The following RALGAPA1 variants were observed in gnomAD, a reference collection of about 807,000 sequenced individuals.
RALGAPA1 encodes the protein ral GTPase-activating protein subunit alpha-1.
In RALGAPA1, 52 loss-of-function variants were observed where a neutral mutation model predicts 269.6. That is an observed-to-expected ratio of 0.19 (90% CI 0.15 to 0.24). RALGAPA1 has a LOEUF of 0.24. Ranked by LOEUF, RALGAPA1 falls within the 10% of genes least tolerant of loss-of-function variation. RALGAPA1 has a pLI of 1.00. For missense variants in RALGAPA1, 1,917 were observed against 3,013.9 expected, an observed-to-expected ratio of 0.64 and a Z score of 8.52; for synonymous variants, 817 against 1,008.3, an observed-to-expected ratio of 0.81 and a Z score of 3.60.
At chr14:35,632,175 C>G (rs1279754089) in intron 33 of RALGAPA1, among the ~76,000 whole-genome samples, 1 of 152,104 alleles carries the variant, frequency 6.6e-6, no homozygotes, top group East Asian at 1.9e-4. Context: ...TTTATTTATA[C>G]TTATTTTTGA....
intron 31 of RALGAPA1, among the ~76,000 whole-genome samples, chr14:35,643,311 C>G (rs1020786848): frequency 4.6e-5 from 7 of 151,900 alleles, no homozygotes; most frequent in African/African-American, 1.7e-4. Context: ...TGCACATGTA[C>G]CCTAGAACTT....
chr14:35,709,819 C>T (rs1231704437), intron 16 of RALGAPA1, among the ~76,000 whole-genome samples: 5 of 152,126 alleles, frequency 3.3e-5, no homozygotes, highest in Non-Finnish European at 4.4e-5. Context: ...AGAAGTGTGT[C>T]GTTTAATCTC....
chr14:35,755,410 T>C (rs2073082489), intron 7 of RALGAPA1, among the ~76,000 whole-genome samples: 1 of 152,114 alleles, frequency 6.6e-6, no homozygotes, highest in African/African-American at 2.4e-5. Flanking sequence ...AGGTGATAAA[T>C]ATATACATTA....
Position 35,689,752 on chromosome 14 carries a change from T to C in RALGAPA1, c.2659A>G (p.Thr887Ala). 6.7e-7 allele frequency: 1 copy of C among 1,492,968 alleles called. No homozygotes were observed. Among genetic ancestry groups the C allele is most frequent in the South Asian group, 1.4e-5 (1 of 72,162 alleles). 92.5% of individuals were successfully genotyped at this position (1,492,968 alleles called of 1,614,324 possible). A position where few individuals can be genotyped will look rare whatever the true frequency, so the allele number is the denominator to read the frequency against. ...TGAGTATCAGTGATGTGGCTTTCAG[T>C]GGATCTAGTTATTGAAGAAGCCTCT... The part of the protein sequence containing the change: ...STEASSITRS[T>A]ESHITDTHSR... The change falls in exon 18 of 42, where the codon ACT becomes GCT. Residue 887 changes from threonine to alanine, a missense_variant. Thr to Ala is a moderately conservative substitution (Grantham distance 58, BLOSUM62 0). Around this residue, in one of 11 missense-constraint regions of RALGAPA1, gnomAD observed 615 missense variants for 790.0 expected, o/e 0.78. Transcript: ENST00000680220.
chr14:35,624,957 G>A (rs898989886), intron 35 of RALGAPA1, among the ~76,000 whole-genome samples: 5 of 151,940 alleles, frequency 3.3e-5, no homozygotes, highest in African/African-American at 1.2e-4. Context: ...TTGGGAGGCC[G>A]AGGCGGGCAG....
At chr14:35,617,654 A>G (rs917280371) in intron 35 of RALGAPA1, among the ~76,000 whole-genome samples, 992 of 12,572 alleles carry the variant, frequency 0.079, no homozygotes, top group Non-Finnish European at 0.1. Context: ...GGGGGGGGGA[A>G]GGGGGTGAAT....
At chr14:35,801,250 C>CAG in intron 1 of RALGAPA1, among the ~76,000 whole-genome samples, 1 of 118,422 alleles carries the variant, frequency 8.4e-6, no homozygotes, top group African/African-American at 4.8e-5. Context: ...CACAGACACA[C>CAG]ACACACACAC....
intron 4 of RALGAPA1, chr14:35,766,769 C>G (rs1335985957): frequency 5.8e-6 from 3 of 518,788 alleles, no homozygotes; most frequent in African/African-American, 1.9e-5. Flanking sequence ...ATGCTTTTAA[C>G]TCTGGAGTAT....
Position 35,775,649 on chromosome 14 carries a change from C to T in RALGAPA1, c.203G>A (p.Ser68Asn). Residue 68 changes from serine (S) to asparagine (N), a missense_variant, in exon 2 of 42, where the codon AGT becomes AAT. Ser to Asn is a conservative substitution (Grantham distance 46, BLOSUM62 1). Around this residue, in one of 11 missense-constraint regions of RALGAPA1, gnomAD observed 462 missense variants for 725.6 expected, o/e 0.64. Transcript: ENST00000680220. ...TAGCATCTTACCTTTCTGTTTAAGA[C>T]TAGCTTCAATAGTCACAAAATTTTC... ...FFENFVTIEA[S>N]LKQKGHKSQR... 1 of 1,569,170 alleles carries T rather than the reference C, an allele frequency of 6.4e-7. No individual in the cohort carries two copies. The highest frequency in any genetic ancestry group is 8.6e-7 in the Non-Finnish European group (1 of 1,166,490).
intron 13 of RALGAPA1, 24 bp from the exon 14 acceptor site, chr14:35,725,177 T>A: frequency 6.6e-7 from 1 of 1,506,396 alleles, no homozygotes. Context: ...GACTGATTAA[T>A]GTTTCCTTCT....
chr14:35,557,922 G>C (rs974422331), intron 39 of RALGAPA1, among the ~76,000 whole-genome samples: 2 of 152,008 alleles, frequency 1.3e-5, no homozygotes, highest in Admixed American at 1.3e-4. Flanking sequence ...CAGCTGAAAA[G>C]AAAGAATCAT....
At chr14:35,698,562 T>TATAA (rs889236032) in intron 17 of RALGAPA1, among the ~76,000 whole-genome samples, 22 of 152,160 alleles carry the variant, frequency 1.4e-4, no homozygotes, top group East Asian at 9.6e-4. Context: ...CTGTACTCGA[T>TATAA]ATAAATAAAT....
intron 35 of RALGAPA1, among the ~76,000 whole-genome samples, chr14:35,614,228 T>C (rs1163169853): frequency 6.6e-6 from 1 of 152,182 alleles, no homozygotes; most frequent in African/African-American, 2.4e-5. Context: ...TACTCCTAGG[T>C]ATATATTCAA....
At chr14:35,553,515 T>G (rs967257421) in intron 39 of RALGAPA1, among the ~76,000 whole-genome samples, 1 of 152,208 alleles carries the variant, frequency 6.6e-6, no homozygotes, top group Non-Finnish European at 1.5e-5. Context: ...CTGGTAATTG[T>G]GAACTGCTTG....
At chr14:35,694,675 A>G (rs563350963) in intron 17 of RALGAPA1, among the ~76,000 whole-genome samples, 1 of 152,174 alleles carries the variant, frequency 6.6e-6, no homozygotes, top group South Asian at 2.1e-4. Flanking sequence ...AACATAAACT[A>G]CCAATACATT....
chr14:35,739,528 T>C (rs756129275), intron 11 of RALGAPA1, among the ~76,000 whole-genome samples: 1 of 152,176 alleles, frequency 6.6e-6, no homozygotes, highest in Non-Finnish European at 1.5e-5. Context: ...AATAAGTTTA[T>C]TAATCAGATT....
At chr14:35,735,581 G>T (rs1358940005) in intron 12 of RALGAPA1, among the ~76,000 whole-genome samples, 1 of 152,188 alleles carries the variant, frequency 6.6e-6, no homozygotes, top group African/African-American at 2.4e-5. Context: ...GGGGGCAAGG[G>T]ATAAAAGACT....
chr14:35,671,628 C>A, intron 25 of RALGAPA1, 111 bp from the exon 26 acceptor site: 1 of 530,876 alleles, frequency 1.9e-6, no homozygotes, highest in Non-Finnish European at 3.4e-6. Flanking sequence ...AAGGTAATTA[C>A]TGTACATTGG....
At chr14:35,655,131 T>A (rs561997938) in intron 29 of RALGAPA1, among the ~76,000 whole-genome samples, 1 of 152,188 alleles carries the variant, frequency 6.6e-6, no homozygotes, top group Non-Finnish European at 1.5e-5. Context: ...GTATTTACAA[T>A]TTTTTCCTAT....
Sources: allele counts gnomAD v4.1 joint callset (sites outside exome capture counted in the v4.1 genomes callset), GRCh38; gene constraint gnomAD v4.1.1; regional missense constraint gnomAD v4.1.1; transcripts MANE v1.5; gene names NCBI Gene and HGNC (gene_info 2026-07-23, HGNC 2026-07-21).